The following DHX32 variants were observed in gnomAD, a reference collection of about 807,000 sequenced individuals.
DHX32 encodes the protein putative pre-mRNA-splicing factor ATP-dependent RNA helicase DHX32.
A neutral mutation model predicts 70.0 loss-of-function variants in DHX32; 51 were observed. That is an observed-to-expected ratio of 0.73 (90% CI 0.58 to 0.92). The LOEUF is 0.92. Among genes scored for constraint, DHX32 ranks in the 40% least tolerant of loss-of-function variants. The probability of loss-of-function intolerance (pLI) is 0.00; values close to 1 mark genes in which losing one functional copy is unlikely to be tolerated. For missense variants in DHX32, 762 were observed against 891.8 expected (o/e 0.85, Z 1.85); for synonymous variants, 310 against 315.3 (o/e 0.98, Z 0.18).
chr10:125,884,222 T>C (rs762786592), upstream of DHX32, among the ~76,000 whole-genome samples: 5 of 152,216 alleles, frequency 3.3e-5, no homozygotes, highest in Non-Finnish European at 5.9e-5. Context: ...CATATACCTC[T>C]CCTTATTCAT....
rs1854758133 is a variant in DHX32 at position 125,838,190 on chromosome 10, TCTC to T, written c.2063+13_2063+15del. 1 of 1,556,132 alleles carries T rather than the reference TCTC, an allele frequency of 6.4e-7. No individual in the cohort carries two copies. The highest frequency in any genetic ancestry group is 8.6e-7 in the Non-Finnish European group (1 of 1,158,680). ...TTAAAAAAAAAATACAACCCTTTCT[TCTC>T]CATTAAACTTACAGTTCAGGAGAGA... On this transcript the variant is annotated intron_variant, in intron 10 of 10. Coordinates refer to ENST00000284690, the MANE Select transcript of DHX32 (RefSeq NM_018180.3).
intron 1 of DHX32, among the ~76,000 whole-genome samples, chr10:125,890,022 A>G (rs1388449275): frequency 6.6e-6 from 1 of 152,300 alleles, no homozygotes; most frequent in Admixed American, 6.5e-5. Context: ...ATGCTTAACC[A>G]TATATCCATA....
chr10:125,846,451 G>T (rs924152975), intron 6 of DHX32, among the ~76,000 whole-genome samples: 1 of 152,184 alleles, frequency 6.6e-6, no homozygotes. Flanking sequence ...TTCCTCATAA[G>T]GGTGAGGCTC....
intron 8 of DHX32, among the ~76,000 whole-genome samples, chr10:125,839,392 G>GGTGCCACCGACAGCACCC (rs1854805299): frequency 1.3e-5 from 2 of 152,232 alleles, no homozygotes; most frequent in Non-Finnish European, 2.9e-5. Flanking sequence ...GAAGGGAGAC[G>GGTGCCACCGACAGCACCC]GTGCCACCGA....
At chr10:125,870,442 G>T (rs1944249025) in intron 1 of DHX32, among the ~76,000 whole-genome samples, 1 of 152,154 alleles carries the variant, frequency 6.6e-6, no homozygotes, top group Admixed American at 6.5e-5. Flanking sequence ...CTAGTTTCTT[G>T]GCGAGTATAA....
In DHX32 at chr10:125,859,164, A is replaced by C. The variant is rs1448327019; in HGVS notation, c.849+439T>G. Reference sequence around the variant, plus strand: ...TGACTATCACAGGACTGCTTGTGGGAAATGTTGTGTTACTTAACTCTATGG... The same window carrying C: ...TGACTATCACAGGACTGCTTGTGGGCAATGTTGTGTTACTTAACTCTATGG... On this transcript the variant is annotated intron_variant, in intron 3 of 10. Transcript: ENST00000284690. Among the ~76,000 whole-genome samples the C allele has an allele frequency of 1.4e-4, 21 of 151,742 alleles. 1 individual carries two copies. Among genetic ancestry groups the C allele is most frequent in the Admixed American group, 1.4e-3 (21 of 15,202 alleles).
intron 3 of DHX32, among the ~76,000 whole-genome samples, chr10:125,855,237 GA>G (rs2134048728): frequency 6.8e-6 from 1 of 147,504 alleles, no homozygotes; most frequent in African/African-American, 2.5e-5. Flanking sequence ...AAAAAAAAAA[GA>G]AATTAAAAGG....
chr10:125,880,548 C>T lies in DHX32; in HGVS notation c.277G>A (p.Ala93Thr), dbSNP rs201349585. The change falls in exon 1 of 11, where the codon GCT becomes ACT. Residue 93 changes from alanine (A) to threonine (T), a missense_variant. Physicochemically the swap from Ala to Thr is moderately conservative, Grantham distance 58. This residue lies in a region of DHX32 where 394 missense variants were observed against 473.1 expected (regional missense o/e 0.83). Coordinates refer to ENST00000284690, the MANE Select transcript of DHX32 (RefSeq NM_018180.3). ...VSGDAKCGKSAQVPQWCAEYC... is the reference protein window; with the variant it reads ...VSGDAKCGKSTQVPQWCAEYC... The stretch of plus-strand genomic sequence containing the variant: ...TTTTTGTAGTGGTTACTCACCTGAG[C>T]GCTCTTACCACATTTAGCATCTCCT... 144 of 1,597,232 alleles carry T rather than the reference C, an allele frequency of 9.0e-5. No individual in the cohort carries two copies. Among genetic ancestry groups the T allele is most frequent in the African/African-American group, 9.0e-4 (67 of 74,400 alleles).
intron 1 of DHX32, among the ~76,000 whole-genome samples, chr10:125,871,149 T>C (rs1944253404): frequency 6.6e-6 from 1 of 152,232 alleles, no homozygotes; most frequent in African/African-American, 2.4e-5. Context: ...ATGAAACACA[T>C]TCTGCAAGAT....
chr10:125,842,229 G>A (rs1017851903), intron 6 of DHX32: 25 of 343,192 alleles, frequency 7.3e-5, no homozygotes, highest in African/African-American at 5.4e-4. Flanking sequence ...GGAAAACAAT[G>A]CCAGGGATCC....
Position 125,836,702 on chromosome 10 carries a change from T to G in DHX32, c.2217A>C (p.Arg739Ser), listed in dbSNP as rs778249535. The change falls in exon 11 of 11, where the codon AGA becomes AGC. Residue 739 changes from arginine to serine, a missense_variant. By Grantham distance (110) the Arg-to-Ser change is moderately radical. Transcript: ENST00000284690. ...MCETCPETEQ[R>S]CTLQ ...TGCTGGGGAGTCACTGGAGAGTGCA[T>G]CTCTGTTCAGTTTCAGGGCACGTCT... The G allele has an allele frequency of 5.0e-6, 8 of 1,614,036 alleles. No homozygotes were observed. The highest frequency in any genetic ancestry group is 3.3e-5 in the Admixed American group (2 of 60,008).
intron 1 of DHX32, among the ~76,000 whole-genome samples, chr10:125,887,838 T>C (rs1417972315): frequency 2.0e-5 from 3 of 152,068 alleles, no homozygotes; most frequent in Non-Finnish European, 4.4e-5. Context: ...AAGTCATTAG[T>C]GAGATTAGGT....
chr10:125,882,447 C>CA (rs1944322866), upstream of DHX32, among the ~76,000 whole-genome samples: 1 of 152,006 alleles, frequency 6.6e-6, no homozygotes, highest in African/African-American at 2.4e-5. Context: ...GTCAATCACT[C>CA]AAAAAACATT....
intron 1 of DHX32, among the ~76,000 whole-genome samples, chr10:125,878,131 T>C (rs996409745): frequency 6.6e-6 from 1 of 152,164 alleles, no homozygotes; most frequent in African/African-American, 2.4e-5. Flanking sequence ...ATTAACTATC[T>C]AATGTTGGGG....
chr10:125,840,788 C>G, intron 8 of DHX32, 59 bp downstream of exon 8: 1 of 1,503,582 alleles, frequency 6.7e-7, no homozygotes, highest in East Asian at 2.3e-5. Context: ...AATAAGGACT[C>G]AGACTTATCT....
intron 1 of DHX32, among the ~76,000 whole-genome samples, chr10:125,876,637 C>T (rs912188670): frequency 3.9e-5 from 6 of 152,134 alleles, no homozygotes; most frequent in African/African-American, 1.4e-4. Context: ...GGAACCTAAC[C>T]CTAAGGAAAC....
Position 125,859,711 on chromosome 10 carries a change from G to A in DHX32, c.741C>T (p.Tyr247=), listed in dbSNP as rs976779141. 1.2e-6 allele frequency: 2 copies of A among 1,613,890 alleles called. No individual in the cohort carries two copies. The highest frequency in any genetic ancestry group is 1.3e-5 in the African/African-American group (1 of 74,868). Residue 247 remains tyrosine (Y), a synonymous_variant, in exon 3 of 11, where the codon TAC becomes TAT. Coordinates refer to ENST00000284690, the MANE Select transcript of DHX32 (RefSeq NM_018180.3). The stretch of plus-strand genomic sequence containing the variant: ...AAGAATCCTTTTGAGCCTCACTAAG[G>A]TACACAACCTCCACAGGGTGTTTAT... The part of the protein sequence containing the change: ...VKNKHPVEVV[Y]LSEAQKDSFE...
At chr10:125,890,305 A>G (rs1944363063) in intron 1 of DHX32, among the ~76,000 whole-genome samples, 1 of 152,282 alleles carries the variant, frequency 6.6e-6, no homozygotes, top group East Asian at 1.9e-4. Flanking sequence ...GAAACAATGG[A>G]CCTAATCATT....
chr10:125,838,527 C>G lies in DHX32; in HGVS notation c.1882-140G>C, dbSNP rs111843618. On this transcript the variant is annotated intron_variant, in intron 9 of 10. Transcript: ENST00000284690. ...GTTTGCCACTCATGTTTCCTACTTTCACATGTAGAAAATAAGCCATAAGCA... is the reference window on the plus strand; with the variant it reads ...GTTTGCCACTCATGTTTCCTACTTTGACATGTAGAAAATAAGCCATAAGCA... The G allele has an allele frequency of 4.1e-5, 34 of 823,254 alleles. 1 individual carries two copies. In the African/African-American group the frequency reaches 5.2e-4, roughly 13 times the overall value. 51.0% of individuals were successfully genotyped at this position (823,254 alleles called of 1,614,324 possible). A position where few individuals can be genotyped will look rare whatever the true frequency, so the allele number is the denominator to read the frequency against.
Sources: gnomAD v4.1 joint callset for allele counts (sites outside exome capture counted in the v4.1 genomes callset) on GRCh38, gnomAD v4.1.1 for gene constraint, gnomAD v4.1.1 regional missense constraint, MANE v1.5 for transcripts, NCBI Gene and HGNC (gene_info 2026-07-23, HGNC 2026-07-21) for gene names.